LRP1B: variants seen among roughly 807,000 people sequenced by gnomAD.
The protein encoded by LRP1B is low-density lipoprotein receptor-related protein 1B.
A neutral mutation model predicts 556.6 loss-of-function variants in LRP1B; 217 were observed. The observed-to-expected ratio is 0.39, with a 90% CI of 0.35 to 0.44. The LOEUF (loss-of-function observed/expected upper bound fraction) is 0.44, where lower values mean the gene tolerates loss of function less well. Ranked by LOEUF, LRP1B falls within the 20% of genes least tolerant of loss-of-function variation. LRP1B has a pLI of 1.00. For missense variants in LRP1B, 5,053 were observed against 5,620.8 expected (o/e 0.90, Z 3.23); for synonymous variants, 2,047 against 1,865.8 (o/e 1.10, Z -2.50).
intron 11 of LRP1B, among the ~76,000 whole-genome samples, chr2:141,037,546 C>T (rs960786121): frequency 2.4e-4 from 36 of 151,972 alleles, no homozygotes; most frequent in African/African-American, 8.5e-4. Context: ...TAAACACATT[C>T]TATAGGATAG....
chr2:141,230,304 G>A (rs1400187102), intron 5 of LRP1B, among the ~76,000 whole-genome samples: 1 of 152,142 alleles, frequency 6.6e-6, no homozygotes, highest in African/African-American at 2.4e-5. Flanking sequence ...TTGACCATGA[G>A]GTCAAAACTA....
intron 3 of LRP1B, among the ~76,000 whole-genome samples, chr2:141,418,080 A>G (rs1679982641): frequency 6.6e-6 from 1 of 152,144 alleles, no homozygotes; most frequent in Non-Finnish European, 1.5e-5. Flanking sequence ...ATTTTTTAAA[A>G]TCAGGTTTTT....
At chr2:141,171,645 G>A (rs1680502370) in intron 7 of LRP1B, among the ~76,000 whole-genome samples, 1 of 152,048 alleles carries the variant, frequency 6.6e-6, no homozygotes, top group African/African-American at 2.4e-5. Context: ...CCAGCTTCAA[G>A]CCGACTCATC....
chr2:140,783,319 T>A (rs1270054313), intron 32 of LRP1B, among the ~76,000 whole-genome samples: 1 of 152,242 alleles, frequency 6.6e-6, no homozygotes, highest in South Asian at 2.1e-4. Context: ...ATAGAAAATA[T>A]ACCTAGTTAC....
At chr2:140,613,429 A>C (rs1232358866) in intron 41 of LRP1B, among the ~76,000 whole-genome samples, 1 of 142,390 alleles carries the variant, frequency 7.0e-6, no homozygotes, top group Non-Finnish European at 1.5e-5. Context: ...ATATATATAT[A>C]ATTATATACA....
chr2:141,858,181 A>T (rs1369815777), intron 1 of LRP1B, among the ~76,000 whole-genome samples: 1 of 152,160 alleles, frequency 6.6e-6, no homozygotes, highest in East Asian at 1.9e-4. Flanking sequence ...GTGTGCTTGA[A>T]TCAAACTCAT....
intron 20 of LRP1B, among the ~76,000 whole-genome samples, chr2:140,934,032 A>G (rs1695130179): frequency 6.6e-6 from 1 of 152,130 alleles, no homozygotes; most frequent in Non-Finnish European, 1.5e-5. Context: ...CAGTGGTATT[A>G]TATTCTAAGG....
chr2:141,109,266 C>A (rs9287311), intron 7 of LRP1B, among the ~76,000 whole-genome samples: 54,840 of 151,862 alleles, frequency 0.36, 10,397 homozygotes, highest in East Asian at 0.66. Context: ...TTGGGGGAGG[C>A]CAATTTGATT....
At chr2:140,817,763 T>A (rs1449501753) in intron 31 of LRP1B, among the ~76,000 whole-genome samples, 1 of 152,042 alleles carries the variant, frequency 6.6e-6, no homozygotes, top group East Asian at 1.9e-4. Flanking sequence ...AAATATACTA[T>A]GCAGTATGGA....
At position 142,130,764 on chromosome 2, in the gene LRP1B, C is replaced by T; in HGVS notation, c.-35G>A. The T allele has an allele frequency of 6.3e-7, 1 of 1,575,674 alleles. No homozygotes were observed. Among genetic ancestry groups the T allele is most frequent in the Non-Finnish European group, 8.7e-7 (1 of 1,152,844 alleles). ...CCGGTAAGGAAGCCTGCGCTGGAGACTGCTCGGCGGCACCTTCGGCCCGGC... is the reference window on the plus strand; with the variant it reads ...CCGGTAAGGAAGCCTGCGCTGGAGATTGCTCGGCGGCACCTTCGGCCCGGC... On this transcript the variant is annotated 5_prime_UTR_variant, in exon 1 of 91. Coordinates refer to ENST00000389484, the MANE Select transcript of LRP1B (RefSeq NM_018557.3).
At chr2:140,927,112 C>T (rs931454280) in intron 20 of LRP1B, among the ~76,000 whole-genome samples, 8 of 152,184 alleles carry the variant, frequency 5.3e-5, no homozygotes, top group Non-Finnish European at 1.0e-4. Context: ...CGAGACCAGC[C>T]TGGCTAACAT....
At chr2:141,971,489 A>T (rs1322437440) in intron 1 of LRP1B, among the ~76,000 whole-genome samples, 2 of 151,376 alleles carry the variant, frequency 1.3e-5, no homozygotes, top group South Asian at 2.1e-4. Flanking sequence ...TGTGTAGGTG[A>T]CCTGCTTTTA....
chr2:140,985,573 GACA>G (rs1696895462), intron 17 of LRP1B, among the ~76,000 whole-genome samples: 1 of 151,760 alleles, frequency 6.6e-6, no homozygotes, highest in South Asian at 2.1e-4. Flanking sequence ...CTCAGAAGTA[GACA>G]ACAATATTCT....
At chr2:140,477,321 T>C (rs1224345924) in intron 59 of LRP1B, among the ~76,000 whole-genome samples, 1 of 152,098 alleles carries the variant, frequency 6.6e-6, no homozygotes, top group Non-Finnish European at 1.5e-5. Flanking sequence ...TATGATTAAA[T>C]TTATTTGTGC....
Position 141,048,987 on chromosome 2 carries a change from A to G in LRP1B, c.1788T>C (p.Asp596=), listed in dbSNP as rs779428016. 2.5e-6 allele frequency: 4 copies of G among 1,608,122 alleles called. No homozygotes were observed. The highest frequency in any genetic ancestry group is 2.2e-5 in the South Asian group (2 of 90,952). Reference sequence around the variant, plus strand: ...TGTTAATGTCACAGTGTCACTTACCATCTTTCAGGATGGTTTCTCTCTCTG... The same window carrying G: ...TGTTAATGTCACAGTGTCACTTACCGTCTTTCAGGATGGTTTCTCTCTCTG... ...DGTERETILK[D]DLDNVEGIAV... The change falls in exon 11 of 91, where the codon GAT becomes GAC. Residue 596 remains aspartate (D), a splice_region_variant and synonymous_variant. Transcript: ENST00000389484.
intron 35 of LRP1B, among the ~76,000 whole-genome samples, chr2:140,720,529 A>G (rs16844600): frequency 0.01 from 1,569 of 152,218 alleles, 25 homozygotes; most frequent in African/African-American, 0.036. Context: ...TATCTGTAAA[A>G]CAAGGAAAGA....
chr2:140,511,348 C>CTGGA (rs1262427947), intron 51 of LRP1B, among the ~76,000 whole-genome samples: 4 of 120,834 alleles, frequency 3.3e-5, no homozygotes, highest in Non-Finnish European at 6.4e-5. Flanking sequence ...GTCGCCCAGG[C>CTGGA]TGGAGTGCGG....
intron 41 of LRP1B, among the ~76,000 whole-genome samples, chr2:140,679,041 T>G (rs1338648171): frequency 1.3e-5 from 2 of 152,134 alleles, no homozygotes; most frequent in African/African-American, 4.8e-5. Flanking sequence ...CCTCCCAAAG[T>G]GCTGGGACTA....
intron 2 of LRP1B, among the ~76,000 whole-genome samples, chr2:141,694,391 G>GC (rs1272688797): frequency 6.6e-6 from 1 of 152,002 alleles, no homozygotes; most frequent in East Asian, 1.9e-4. Flanking sequence ...TAGTGACCCA[G>GC]CCTTAGTGCC....
Sources: gnomAD v4.1 joint callset for allele counts (sites outside exome capture counted in the v4.1 genomes callset) on GRCh38, gnomAD v4.1.1 for gene constraint, MANE v1.5 for transcripts, NCBI Gene and HGNC (gene_info 2026-07-23, HGNC 2026-07-21) for gene names.